KALRN: variants seen among roughly 807,000 people sequenced by gnomAD.
The protein encoded by KALRN is kalirin.
In KALRN, 70 loss-of-function variants were observed where a neutral mutation model predicts 353.7. The observed-to-expected ratio is 0.20, with a 90% CI of 0.16 to 0.24. The LOEUF (loss-of-function observed/expected upper bound fraction) is 0.24, where lower values mean the gene tolerates loss of function less well. Ranked by LOEUF, KALRN falls within the 10% of genes least tolerant of loss-of-function variation. KALRN has a pLI of 1.00. For missense variants in KALRN, 2,791 were observed against 3,756.7 expected, an observed-to-expected ratio of 0.74 and a Z score of 6.72; for synonymous variants, 1,391 against 1,434.8, an observed-to-expected ratio of 0.97 and a Z score of 0.69.
At position 124,315,157 on chromosome 3, in the gene KALRN, C is replaced by T. The variant is rs554583397; in HGVS notation, c.1093-10823C>T. 7.9e-5 allele frequency among the ~76,000 whole-genome samples: 12 copies of T among 152,292 alleles called. No individual in the cohort carries two copies. The East Asian group carries it at 9.6e-4, about 12-fold the overall frequency. On this transcript the variant is annotated intron_variant, in intron 6 of 59. Coordinates refer to ENST00000682506, the MANE Select transcript of KALRN (RefSeq NM_001388419.1). ...ACAGGAGAAGATGAGGACATTTCTC[C>T]GACCTCAAGAGTCTTCAGGGAGAAA...
chr3:124,681,712 C>T lies in KALRN; in HGVS notation c.7377+2195C>T, dbSNP rs1351980500. Among the ~76,000 whole-genome samples, 8 of 147,186 alleles carry T rather than the reference C, an allele frequency of 5.4e-5. No individual in the cohort carries two copies. The East Asian group carries it at 1.6e-3, about 30-fold the overall frequency. On this transcript the variant is annotated intron_variant, in intron 51 of 59. Coordinates refer to ENST00000682506, the MANE Select transcript of KALRN (RefSeq NM_001388419.1). Reference sequence around the variant, plus strand: ...TGGTATGACCTCGGCTTACTGCAACCTCTGCTTCCCTGGCTCAAGGGATCC... The same window carrying T: ...TGGTATGACCTCGGCTTACTGCAACTTCTGCTTCCCTGGCTCAAGGGATCC...
At chr3:124,244,445 C>T (rs2148680120) in intron 3 of KALRN, among the ~76,000 whole-genome samples, 1 of 152,312 alleles carries the variant, frequency 6.6e-6, no homozygotes, top group South Asian at 2.1e-4. Context: ...CTATGTTGGG[C>T]AGGCTGGTCT....
intron 21 of KALRN, among the ~76,000 whole-genome samples, chr3:124,454,710 T>C (rs2059134130): frequency 6.6e-6 from 1 of 152,040 alleles, no homozygotes; most frequent in Admixed American, 6.5e-5. Flanking sequence ...GTACTGAACA[T>C]ATACAGACTT....
intron 6 of KALRN, among the ~76,000 whole-genome samples, chr3:124,306,950 A>G (rs2077761329): frequency 6.6e-6 from 1 of 152,170 alleles, no homozygotes; most frequent in Non-Finnish European, 1.5e-5. Context: ...GATAAACAAA[A>G]ACTGAGAAAA....
At chr3:124,524,283 G>C (rs2067398541) in intron 33 of KALRN, among the ~76,000 whole-genome samples, 1 of 152,110 alleles carries the variant, frequency 6.6e-6, no homozygotes, top group Non-Finnish European at 1.5e-5. Flanking sequence ...AATACACCTG[G>C]GGAAGAGAAA....
chr3:124,358,324 G>A (rs1187705815), intron 10 of KALRN, among the ~76,000 whole-genome samples: 1 of 152,162 alleles, frequency 6.6e-6, no homozygotes, highest in Non-Finnish European at 1.5e-5. Context: ...TCATCACACT[G>A]AGCCTGACTA....
chr3:124,262,910 C>T (rs1299150113), intron 3 of KALRN, among the ~76,000 whole-genome samples: 1 of 152,048 alleles, frequency 6.6e-6, no homozygotes, highest in Non-Finnish European at 1.5e-5. Flanking sequence ...AAGTGAAAGA[C>T]CCTAAGGAAA....
intron 3 of KALRN, among the ~76,000 whole-genome samples, chr3:124,241,511 C>T (rs533146416): frequency 6.6e-6 from 1 of 150,578 alleles, no homozygotes; most frequent in South Asian, 2.1e-4. Flanking sequence ...TTACTTTTCT[C>T]CATACTTTAG....
chr3:124,049,974 AG>A (rs1159767533), intron 1 of KALRN, among the ~76,000 whole-genome samples: 1 of 152,144 alleles, frequency 6.6e-6, no homozygotes, highest in Non-Finnish European at 1.5e-5. Context: ...TATTTCATTT[AG>A]GTAAATTGCT....
chr3:124,446,175 C>T lies in KALRN; in HGVS notation c.3328C>T (p.Leu1110Phe). Residue 1110 changes from leucine (L) to phenylalanine (F), a missense_variant, in exon 20 of 60, where the codon CTC becomes TTC. By Grantham distance (22) the Leu-to-Phe change is conservative (BLOSUM62 0). Transcript: ENST00000682506. ...EQQVKAILSELLQRENRVLHF... is the reference protein window; with the variant it reads ...EQQVKAILSEFLQRENRVLHF... ...TCTGCCCACAGCCATCCTGAGTGAG[C>T]TCCTGCAGAGGGAGAATCGCGTGCT... 6.2e-7 allele frequency: 1 copy of T among 1,613,528 alleles called. No homozygotes were observed. The highest frequency in any genetic ancestry group is 8.5e-7 in the Non-Finnish European group (1 of 1,179,496).
rs992035730 is a variant in KALRN at position 124,477,265 on chromosome 3, T to C, written c.4122T>C (p.Tyr1374=). The C allele has an allele frequency of 1.2e-6, 2 of 1,613,318 alleles. No individual in the cohort carries two copies. Among genetic ancestry groups the C allele is most frequent in the South Asian group, 1.1e-5 (1 of 91,030 alleles). ...FVTWADKFQM[Y]VTYCKNKPDS... ...TTTAGGCAGACAAATTTCAGATGTATGTCACCTACTGTAAAAACAAGCCTG... is the reference window on the plus strand; with the variant it reads ...TTTAGGCAGACAAATTTCAGATGTACGTCACCTACTGTAAAAACAAGCCTG... Residue 1374 remains tyrosine (Y), a synonymous_variant, in exon 27 of 60, where the codon TAT becomes TAC. Transcript: ENST00000682506.
At chr3:124,267,104 CAGTGAATTTAATACTT>C (rs1382517194) in intron 4 of KALRN, among the ~76,000 whole-genome samples, 6 of 152,180 alleles carry the variant, frequency 3.9e-5, no homozygotes, top group African/African-American at 1.4e-4. Context: ...ATCTTAAAAA[CAGTGAATTTAATACTT>C]AGTGCAGACT....
intron 1 of KALRN, among the ~76,000 whole-genome samples, chr3:124,184,220 T>G (rs1203286754): frequency 6.6e-6 from 1 of 152,230 alleles, no homozygotes; most frequent in Non-Finnish European, 1.5e-5. Flanking sequence ...CTCTGTGACC[T>G]TGAGCAAGTC....
At chr3:124,186,731 C>T (rs1232726523) in intron 1 of KALRN, among the ~76,000 whole-genome samples, 1 of 152,164 alleles carries the variant, frequency 6.6e-6, no homozygotes, top group African/African-American at 2.4e-5. Flanking sequence ...CACAGTTCCC[C>T]TAGGGAATCA....
At chr3:124,439,569 T>C (rs1166306418) in intron 18 of KALRN, among the ~76,000 whole-genome samples, 2 of 152,250 alleles carry the variant, frequency 1.3e-5, no homozygotes, top group Admixed American at 6.5e-5. Context: ...TAAAATATTT[T>C]ATAAATGGAA....
At chr3:124,153,154 A>C (rs1428501593) in intron 1 of KALRN, 2 of 154,250 alleles carry the variant, frequency 1.3e-5, no homozygotes, top group Admixed American at 1.3e-4. Flanking sequence ...TTTAGGGTAC[A>C]TGTGCACAAT....
chr3:124,620,246 G>A (rs333313), intron 34 of KALRN, among the ~76,000 whole-genome samples: 110,050 of 152,048 alleles, frequency 0.72, 40,466 homozygotes, highest in East Asian at 0.87. Context: ...GACAACAGGA[G>A]CGCACCACCA....
At chr3:124,443,653 C>T (rs530551924) in intron 19 of KALRN, among the ~76,000 whole-genome samples, 18 of 152,190 alleles carry the variant, frequency 1.2e-4, no homozygotes, top group Non-Finnish European at 1.8e-4. Flanking sequence ...TACTGAGAGA[C>T]CACATATCCC....
intron 9 of KALRN, among the ~76,000 whole-genome samples, chr3:124,341,818 C>CT (rs1278540507): frequency 6.6e-6 from 1 of 152,160 alleles, no homozygotes; most frequent in Non-Finnish European, 1.5e-5. Flanking sequence ...CCACTCCAGC[C>CT]TGAATGGGTT....
Sources: allele counts gnomAD v4.1 joint callset (sites outside exome capture counted in the v4.1 genomes callset), GRCh38; gene constraint gnomAD v4.1.1; transcripts MANE v1.5; gene names NCBI Gene and HGNC (gene_info 2026-07-23, HGNC 2026-07-21).